The following DLGAP1 variants were observed in gnomAD, a reference collection of about 807,000 sequenced individuals.
DLGAP1 encodes DLG associated protein 1.
DLGAP1 carries 11 observed loss-of-function variants against 90.8 expected under a neutral mutation model. The observed-to-expected ratio is 0.12, with a 90% CI of 0.08 to 0.20. The LOEUF is 0.20. Among genes scored for constraint, DLGAP1 ranks in the 10% least tolerant of loss-of-function variants. The probability of loss-of-function intolerance (pLI) is 1.00; values close to 1 mark genes in which losing one functional copy is unlikely to be tolerated. For missense variants in DLGAP1, 1,050 were observed against 1,333.8 expected, an observed-to-expected ratio of 0.79 and a Z score of 3.31; for synonymous variants, 558 against 540.7, an observed-to-expected ratio of 1.03 and a Z score of -0.44.
Position 3,526,393 on chromosome 18 carries a change from A to G in DLGAP1, c.2479+7801T>C, listed in dbSNP as rs2051621264. 6.6e-6 allele frequency among the ~76,000 whole-genome samples: 1 copy of G among 152,212 alleles called. No individual in the cohort carries two copies. Among genetic ancestry groups the G allele is most frequent in the African/African-American group, 2.4e-5 (1 of 41,462 alleles). On this transcript the variant is annotated intron_variant, in intron 10 of 12. Transcript: ENST00000315677. The surrounding 1 kb of genome is among the most constrained non-coding windows in gnomAD (Gnocchi z 4.7). ...CACAATGACTGTGCACAGTTTCCGT[A>G]ACCAAACCTGAAACCAGGCAAACCC...
At chr18:3,558,855 C>T (rs1318912687) in intron 9 of DLGAP1, among the ~76,000 whole-genome samples, 1 of 152,148 alleles carries the variant, frequency 6.6e-6, no homozygotes, top group Non-Finnish European at 1.5e-5. Flanking sequence ...ATGTAAAATA[C>T]TAATGTTTAA....
At chr18:4,092,997 G>A (rs2075612293) in intron 2 of DLGAP1, among the ~76,000 whole-genome samples, 1 of 152,210 alleles carries the variant, frequency 6.6e-6, no homozygotes, top group African/African-American at 2.4e-5. Flanking sequence ...TCCTGGAGGA[G>A]CTTGTCTTTC....
intron 9 of DLGAP1, among the ~76,000 whole-genome samples, chr18:3,537,162 T>C (rs1041515018): frequency 6.6e-6 from 1 of 152,144 alleles, no homozygotes; most frequent in Non-Finnish European, 1.5e-5. Context: ...CAATACTTAA[T>C]ATATTCACAT....
At chr18:3,549,891 TTTAA>T (rs989683506) in intron 9 of DLGAP1, among the ~76,000 whole-genome samples, 1 of 152,114 alleles carries the variant, frequency 6.6e-6, no homozygotes, top group East Asian at 1.9e-4. Flanking sequence ...AGGACCTTTA[TTTAA>T]TTAATTAATT....
intron 3 of DLGAP1, among the ~76,000 whole-genome samples, chr18:3,972,318 C>T (rs1157628130): frequency 6.6e-6 from 1 of 152,014 alleles, no homozygotes; most frequent in Non-Finnish European, 1.5e-5. Context: ...TCGAGACCAG[C>T]CTGGGCAACA....
Position 3,653,055 on chromosome 18 carries a change from C to T in DLGAP1, c.1592-70807G>A, listed in dbSNP as rs924286460. 6.6e-6 allele frequency among the ~76,000 whole-genome samples: 1 copy of T among 152,228 alleles called. No individual in the cohort carries two copies. The highest frequency in any genetic ancestry group is 1.5e-5 in the Non-Finnish European group (1 of 68,038). ...ATTCTGACTCAGGGGTGACTCAGCT[C>T]TTCCATGACCTGTGTTCCCACTTCT... On this transcript the variant is annotated intron_variant, in intron 7 of 12. Coordinates refer to ENST00000315677, the MANE Select transcript of DLGAP1 (RefSeq NM_004746.4). This position sits in a 1 kb window ranked among gnomAD's most constrained non-coding sequence, Gnocchi z 4.6.
intron 7 of DLGAP1, among the ~76,000 whole-genome samples, chr18:3,690,000 C>T (rs1438475368): frequency 3.0e-5 from 4 of 132,512 alleles, no homozygotes; most frequent in African/African-American, 1.2e-4. Flanking sequence ...CAAGCCTCCC[C>T]CTTGATTCCC....
At chr18:3,580,419 G>A (rs1052782563) in intron 8 of DLGAP1, 32 of 1,613,626 alleles carry the variant, frequency 2.0e-5, no homozygotes, top group Non-Finnish European at 2.3e-5. Context: ...ACAGCCCAAT[G>A]TCTCCTCTGT....
chr18:3,693,420 A>T (rs923413415), intron 7 of DLGAP1, among the ~76,000 whole-genome samples: 4 of 152,114 alleles, frequency 2.6e-5, no homozygotes, highest in Non-Finnish European at 5.9e-5. Flanking sequence ...CTAACATTTG[A>T]TTTTCTCCTT....
intron 3 of DLGAP1, among the ~76,000 whole-genome samples, chr18:3,911,727 T>C (rs1030114074): frequency 1.3e-5 from 2 of 152,202 alleles, no homozygotes; most frequent in Non-Finnish European, 2.9e-5. Context: ...GGAACTGAAA[T>C]GAACAAGACT....
intron 3 of DLGAP1, among the ~76,000 whole-genome samples, chr18:3,998,511 C>A (rs866495547): frequency 6.6e-6 from 1 of 152,132 alleles, no homozygotes; most frequent in East Asian, 1.9e-4. Context: ...CTTCAGGGAG[C>A]CTGTGATTCC....
At chr18:4,181,948 C>T (rs1265946918) in intron 1 of DLGAP1, among the ~76,000 whole-genome samples, 2 of 152,116 alleles carry the variant, frequency 1.3e-5, no homozygotes, top group African/African-American at 4.8e-5. Flanking sequence ...GCACTAAGTG[C>T]ACTCAATTAA....
chr18:3,558,499 C>G (rs60524267), intron 9 of DLGAP1, among the ~76,000 whole-genome samples: 29,438 of 152,106 alleles, frequency 0.19, 3,897 homozygotes, highest in African/African-American at 0.37. Context: ...TCCCAAAGTG[C>G]TAGGATTACA....
At chr18:3,570,005 C>G (rs2054672234) in intron 8 of DLGAP1, among the ~76,000 whole-genome samples, 1 of 151,916 alleles carries the variant, frequency 6.6e-6, no homozygotes, top group Non-Finnish European at 1.5e-5. Flanking sequence ...AAATACTTAA[C>G]ATTATGTTAT....
chr18:4,361,699 T>C (rs1437855347), intron 1 of DLGAP1, among the ~76,000 whole-genome samples: 8 of 152,216 alleles, frequency 5.3e-5, no homozygotes, highest in African/African-American at 1.4e-4. Flanking sequence ...AACTATTTTT[T>C]TGATTAACAC....
intron 5 of DLGAP1, among the ~76,000 whole-genome samples, chr18:3,787,119 A>G (rs2065486203): frequency 1.5e-5 from 2 of 132,192 alleles, no homozygotes; most frequent in South Asian, 2.5e-4. Flanking sequence ...AAAAATGCTC[A>G]TGATAATCAA....
chr18:3,566,843 CCA>C (rs2054453135), intron 9 of DLGAP1, among the ~76,000 whole-genome samples: 10 of 151,828 alleles, frequency 6.6e-5, no homozygotes, highest in African/African-American at 2.4e-5. Flanking sequence ...ATGGTTCTAC[CCA>C]CCAAGAAACT....
At position 3,659,394 on chromosome 18, in the gene DLGAP1, TACACAC is replaced by T. The variant is rs71366699; in HGVS notation, c.1591+69735_1591+69740del. On this transcript the variant is annotated intron_variant, in intron 7 of 12. Transcript: ENST00000315677. ...GGGTAAGCCGTAACACATACATTTA[TACACAC>T]ACACACACACACACACACACACACA... Among the ~76,000 whole-genome samples the T allele has an allele frequency of 5.5e-3, 562 of 102,164 alleles. 6 individuals carry two copies. Among genetic ancestry groups the T allele is most frequent in the Non-Finnish European group, 6.7e-3 (383 of 56,746 alleles). 67.0% of individuals were successfully genotyped at this position (102,164 alleles called of 152,430 possible). A position where few individuals can be genotyped will look rare whatever the true frequency, so the allele number is the denominator to read the frequency against.
At chr18:4,017,127 T>C (rs188190322) in intron 2 of DLGAP1, among the ~76,000 whole-genome samples, 2 of 152,220 alleles carry the variant, frequency 1.3e-5, no homozygotes, top group East Asian at 3.8e-4. Context: ...AAGTGAGTTA[T>C]GTGTTCTTAG....
Sources: allele counts gnomAD v4.1 joint callset (sites outside exome capture counted in the v4.1 genomes callset), GRCh38; gene constraint gnomAD v4.1.1; non-coding constraint Gnocchi (gnomAD v3.1); transcripts MANE v1.5; gene names NCBI Gene and HGNC (gene_info 2026-07-23, HGNC 2026-07-21).